The following LARGE1 variants were observed in gnomAD, a reference collection of about 807,000 sequenced individuals.
LARGE1 encodes the protein LARGE xylosyl- and glucuronyltransferase 1, also known as xylosyl- and glucuronyltransferase LARGE1.
Under a neutral mutation model 87.6 loss-of-function variants are expected in LARGE1, and 43 were observed. The observed-to-expected ratio is 0.49, with a 90% CI of 0.38 to 0.63. LARGE1 has a LOEUF of 0.63. Among genes scored for constraint, LARGE1 ranks in the 30% least tolerant of loss-of-function variants. LARGE1 has a pLI of 0.00. For synonymous variants in LARGE1, 434 were observed against 394.6 expected (o/e 1.10, Z -1.18); for missense variants, 802 against 1,000.2 (o/e 0.80, Z 2.67).
chr22:33,727,286 AATTAGC>A (rs1284244263), intron 2 of LARGE1, among the ~76,000 whole-genome samples: 1 of 152,240 alleles, frequency 6.6e-6, no homozygotes, highest in Non-Finnish European at 1.5e-5. Flanking sequence ...TAAGCCATTT[AATTAGC>A]ATCTGTTTGG....
At chr22:33,289,618 A>C (rs1932169041) in intron 12 of LARGE1, among the ~76,000 whole-genome samples, 1 of 152,164 alleles carries the variant, frequency 6.6e-6, no homozygotes, top group Non-Finnish European at 1.5e-5. Flanking sequence ...TCAACATACT[A>C]CTTACAACCA....
At chr22:33,336,451 C>T (rs893149986) in intron 10 of LARGE1, among the ~76,000 whole-genome samples, 15 of 152,086 alleles carry the variant, frequency 9.9e-5, no homozygotes, top group African/African-American at 3.6e-4. Context: ...CCGCCTGCCT[C>T]AGCCTCCTAA....
chr22:33,775,591 C>G (rs939994508), intron 1 of LARGE1, among the ~76,000 whole-genome samples: 3 of 152,138 alleles, frequency 2.0e-5, no homozygotes, highest in Admixed American at 6.5e-5. Context: ...GTGGCTCATG[C>G]CTGTAATCCC....
At chr22:33,318,249 A>AG (rs1569049504) in intron 10 of LARGE1, among the ~76,000 whole-genome samples, 4 of 151,486 alleles carry the variant, frequency 2.6e-5, no homozygotes, top group African/African-American at 9.7e-5. Flanking sequence ...AAAAAAAAAA[A>AG]GAATGGGAGG....
At chr22:33,664,588 C>T (rs1011283528) in intron 2 of LARGE1, among the ~76,000 whole-genome samples, 12 of 152,118 alleles carry the variant, frequency 7.9e-5, no homozygotes, top group African/African-American at 1.4e-4. Flanking sequence ...CTATCAGGGC[C>T]GGGCACAGTG....
chr22:33,098,500 A>G, the LARGE1 span, among the ~76,000 whole-genome samples: 1 of 152,142 alleles, frequency 6.6e-6, no homozygotes, highest in African/African-American at 2.4e-5. Context: ...GGGCGCCTGT[A>G]GTCCCAGCTA....
intron 2 of LARGE1, among the ~76,000 whole-genome samples, chr22:33,676,590 C>T: frequency 7.6e-6 from 1 of 132,198 alleles, no homozygotes; most frequent in East Asian, 2.2e-4. Context: ...ACACCACCAA[C>T]AAAAAAAAAA....
intron 11 of LARGE1, 97 bp downstream of exon 11, chr22:33,315,988 A>G: frequency 7.4e-7 from 1 of 1,357,328 alleles, no homozygotes. Flanking sequence ...CAATTTTAGC[A>G]GATGCACTGG....
chr22:33,203,537 C>T (rs1924522086), intron 11 of LARGE1, among the ~76,000 whole-genome samples: 2 of 152,116 alleles, frequency 1.3e-5, no homozygotes, highest in Non-Finnish European at 2.9e-5. Context: ...GGTGTGAAGG[C>T]TTCCACAGCT....
At chr22:33,400,312 A>G (rs2065890492) in intron 7 of LARGE1, among the ~76,000 whole-genome samples, 1 of 152,202 alleles carries the variant, frequency 6.6e-6, no homozygotes, top group Non-Finnish European at 1.5e-5. Flanking sequence ...TAAAATTGCC[A>G]CTGAATAAAA....
chr22:33,703,885 A>C (rs1424397567), intron 2 of LARGE1, among the ~76,000 whole-genome samples: 1 of 152,222 alleles, frequency 6.6e-6, no homozygotes. Flanking sequence ...GCAACAGAAA[A>C]CTAACATATA....
Position 33,650,544 on chromosome 22 carries a change from G to T in LARGE1, c.231C>A (p.Arg77=). ...CCAGGCTGAGCTGCCTGCGGAGGGC[G>T]CGGTTCTCCTCCTCCACCTCGCGCA... ...VRMREVEEEN[R]ALRRQLSLAQ... Residue 77 remains arginine (R), a synonymous_variant, in exon 3 of 15, where the codon CGC becomes CGA. Coordinates refer to ENST00000397394, the MANE Select transcript of LARGE1 (RefSeq NM_133642.5). 2 of 1,610,208 alleles carry T rather than the reference G, an allele frequency of 1.2e-6. No individual in the cohort carries two copies. Among genetic ancestry groups the T allele is most frequent in the Non-Finnish European group, 1.7e-6 (2 of 1,179,954 alleles).
intron 1 of LARGE1, among the ~76,000 whole-genome samples, chr22:33,783,993 C>T (rs1194639731): frequency 2.6e-5 from 4 of 152,162 alleles, no homozygotes; most frequent in African/African-American, 9.7e-5. Flanking sequence ...GACAATCTCT[C>T]TCTTTCTTTT....
At chr22:33,751,693 T>G (rs543060306) in intron 2 of LARGE1, among the ~76,000 whole-genome samples, 2 of 152,238 alleles carry the variant, frequency 1.3e-5, no homozygotes, top group Non-Finnish European at 2.9e-5. Flanking sequence ...ATTTTGTGTA[T>G]GTCTTCTTTT....
chr22:33,615,612 C>T (rs2079558548), intron 4 of LARGE1, among the ~76,000 whole-genome samples: 1 of 151,646 alleles, frequency 6.6e-6, no homozygotes. Context: ...GACCAGCACC[C>T]TGATCTCAGA....
At chr22:33,659,683 C>T (rs1228027939) in intron 2 of LARGE1, among the ~76,000 whole-genome samples, 1 of 147,722 alleles carries the variant, frequency 6.8e-6, no homozygotes, top group Non-Finnish European at 1.5e-5. Context: ...GCAACCAAAG[C>T]ACACTTGAGT....
chr22:33,350,624 T>C (rs903479782), intron 9 of LARGE1, among the ~76,000 whole-genome samples: 13 of 152,072 alleles, frequency 8.5e-5, no homozygotes, highest in Admixed American at 3.3e-4. Flanking sequence ...GTCATGCCCT[T>C]GGGGGTGGGC....
intron 1 of LARGE1, among the ~76,000 whole-genome samples, chr22:33,867,644 T>C (rs1399294003): frequency 1.3e-5 from 2 of 152,212 alleles, no homozygotes; most frequent in Middle Eastern, 3.2e-3. Context: ...GACAGCTAAA[T>C]GTCATGGGAT....
At chr22:33,759,463 TC>T (rs537091928) in intron 2 of LARGE1, among the ~76,000 whole-genome samples, 2 of 151,762 alleles carry the variant, frequency 1.3e-5, no homozygotes, top group South Asian at 2.1e-4. Flanking sequence ...ATCTGCCTCA[TC>T]CCCCCCATCT....
Sources: allele counts gnomAD v4.1 joint callset (sites outside exome capture counted in the v4.1 genomes callset), GRCh38; gene constraint gnomAD v4.1.1; transcripts MANE v1.5; gene names NCBI Gene and HGNC (gene_info 2026-07-23, HGNC 2026-07-21).